SRD5A2: variants seen among roughly 807,000 people sequenced by gnomAD.
The protein encoded by SRD5A2 is 3-oxo-5-alpha-steroid 4-dehydrogenase 2.
SRD5A2 carries 30 observed loss-of-function variants against 27.4 expected under a neutral mutation model. The ratio of observed to expected loss-of-function variants is 1.10; its 90% confidence interval spans 0.82 to 1.49. The LOEUF (loss-of-function observed/expected upper bound fraction) is 1.49, where lower values mean the gene tolerates loss of function less well. Ranked by LOEUF, SRD5A2 falls within the 40% of genes most tolerant of loss-of-function variation. The pLI is 0.00. For synonymous variants in SRD5A2, 141 were observed against 133.6 expected (o/e 1.06, Z -0.38); for missense variants, 348 against 323.4 (o/e 1.08, Z -0.58).
intron 1 of SRD5A2, among the ~76,000 whole-genome samples, chr2:31,560,514 C>T (rs555434678): frequency 1.3e-5 from 2 of 152,240 alleles, no homozygotes; most frequent in East Asian, 1.9e-4. Flanking sequence ...CACCTGATTT[C>T]AGGCTCCTGG....
the SRD5A2 span, among the ~76,000 whole-genome samples, chr2:31,662,224 T>C: frequency 6.6e-6 from 1 of 152,198 alleles, no homozygotes; most frequent in South Asian, 2.1e-4. Context: ...CTATTGAACA[T>C]TATGAATGAC....
chr2:31,657,376 A>T, the SRD5A2 span, among the ~76,000 whole-genome samples: 1 of 152,290 alleles, frequency 6.6e-6, no homozygotes, highest in East Asian at 1.9e-4. Flanking sequence ...GAATTTAATG[A>T]TTTATAATAG....
the SRD5A2 span, among the ~76,000 whole-genome samples, chr2:31,601,903 T>C: frequency 1.3e-5 from 2 of 152,056 alleles, no homozygotes; most frequent in Admixed American, 6.6e-5. Context: ...TGAAGGAACA[T>C]ACCTCAAAAT....
intron 1 of SRD5A2, among the ~76,000 whole-genome samples, chr2:31,570,877 T>C (rs940159776): frequency 5.9e-5 from 9 of 151,824 alleles, no homozygotes; most frequent in Admixed American, 2.0e-4. Flanking sequence ...AAATCAGAGA[T>C]GACACAAACA....
the SRD5A2 span, among the ~76,000 whole-genome samples, chr2:31,649,831 T>C: frequency 1.3e-5 from 2 of 152,122 alleles, no homozygotes; most frequent in African/African-American, 4.8e-5. Flanking sequence ...CACCCTAGAG[T>C]TGCATATTTC....
At chr2:31,555,035 C>T (rs561377308) in intron 1 of SRD5A2, among the ~76,000 whole-genome samples, 1 of 150,990 alleles carries the variant, frequency 6.6e-6, no homozygotes, top group Non-Finnish European at 1.5e-5. Flanking sequence ...AGGTAATGTG[C>T]CCAAGGCCAC....
chr2:31,598,205 C>T, the SRD5A2 span, among the ~76,000 whole-genome samples: 1 of 151,968 alleles, frequency 6.6e-6, no homozygotes, highest in African/African-American at 2.4e-5. Flanking sequence ...GAATGAAAAA[C>T]CAAGCATTGT....
chr2:31,582,586 T>G (rs1437312073), upstream of SRD5A2, among the ~76,000 whole-genome samples: 1 of 152,190 alleles, frequency 6.6e-6, no homozygotes, highest in Non-Finnish European at 1.5e-5. Context: ...CAGTCCCAGC[T>G]TCCTCAGCTA....
rs1333189015 is a variant in SRD5A2 at position 31,580,901 on chromosome 2, C to T, written c.-1G>A. On this transcript the variant is annotated 5_prime_UTR_variant, in exon 1 of 5. Coordinates refer to ENST00000622030, the MANE Select transcript of SRD5A2 (RefSeq NM_000348.4). Reference sequence around the variant, plus strand: ...GGCTCTGCTGGCACTGAACCTGCATCGCGCCGTGTTCCTCGCCGGTGGCCG... The same window carrying T: ...GGCTCTGCTGGCACTGAACCTGCATTGCGCCGTGTTCCTCGCCGGTGGCCG... 6.3e-7 allele frequency: 1 copy of T among 1,594,308 alleles called. No individual in the cohort carries two copies. The highest frequency in any genetic ancestry group is 1.1e-5 in the South Asian group (1 of 90,748).
intron 1 of SRD5A2, among the ~76,000 whole-genome samples, chr2:31,564,464 A>G (rs1666688823): frequency 6.6e-6 from 1 of 152,028 alleles, no homozygotes; most frequent in Non-Finnish European, 1.5e-5. Context: ...TTCCTCAGCA[A>G]AAGAAAGGAG....
chr2:31,608,867 C>G, the SRD5A2 span, among the ~76,000 whole-genome samples: 2 of 152,038 alleles, frequency 1.3e-5, no homozygotes, highest in East Asian at 3.9e-4. Context: ...TTACGTTCTA[C>G]CAAAATTTAT....
At chr2:31,526,399 C>T in intron 4 of SRD5A2, 137 bp from the exon 5 acceptor site, 1 of 645,810 alleles carries the variant, frequency 1.5e-6, no homozygotes, top group Non-Finnish European at 2.8e-6. Flanking sequence ...ACTTATGATT[C>T]TTATTTCTCC....
upstream of SRD5A2, among the ~76,000 whole-genome samples, chr2:31,584,086 C>T (rs559665395): frequency 6.6e-6 from 1 of 152,080 alleles, no homozygotes; most frequent in African/African-American, 2.4e-5. Context: ...AATAGTGGCC[C>T]AGGGTGTAGA....
chr2:31,552,573 A>G (rs890341389), intron 1 of SRD5A2, among the ~76,000 whole-genome samples: 7 of 152,150 alleles, frequency 4.6e-5, no homozygotes, highest in Admixed American at 4.6e-4. Context: ...CATCTCACCA[A>G]GAAGAGAGAA....
In SRD5A2 at chr2:31,526,104, C is replaced by CATATATATATATATATATATATATATAT. The variant is rs1491224935; in HGVS notation, c.*91_*92insATATATATATATATATATATATATATAT. On this transcript the variant is annotated 3_prime_UTR_variant, in exon 5 of 5. Coordinates refer to ENST00000622030, the MANE Select transcript of SRD5A2 (RefSeq NM_000348.4). The stretch of plus-strand genomic sequence containing the variant: ...CAGGAGACCTACTATTACATATATA[C>CATATATATATATATATATATATATATAT]GGGACTATTATATCATGAAAATTAC... The CATATATATATATATATATATATATATAT allele has an allele frequency of 3.3e-5, 26 of 797,376 alleles. 2 individuals carry two copies. The African/African-American group carries it at 5.0e-4, about 15-fold the overall frequency. 49.4% of individuals were successfully genotyped at this position (797,376 alleles called of 1,614,324 possible). A position where few individuals can be genotyped will look rare whatever the true frequency, so the allele number is the denominator to read the frequency against.
intron 1 of SRD5A2, among the ~76,000 whole-genome samples, chr2:31,575,997 T>C (rs1321712827): frequency 6.6e-6 from 1 of 152,132 alleles, no homozygotes; most frequent in Non-Finnish European, 1.5e-5. Flanking sequence ...AGAGGTGAGA[T>C]GGATGGATTA....
At chr2:31,568,604 TC>T (rs1666786182) in intron 1 of SRD5A2, among the ~76,000 whole-genome samples, 1 of 152,114 alleles carries the variant, frequency 6.6e-6, no homozygotes, top group Non-Finnish European at 1.5e-5. Flanking sequence ...ACTGACTCCA[TC>T]CAGAATTGAC....
chr2:31,657,974 C>G, the SRD5A2 span, among the ~76,000 whole-genome samples: 1 of 151,972 alleles, frequency 6.6e-6, no homozygotes, highest in Non-Finnish European at 1.5e-5. Context: ...CAAAAAAATA[C>G]CGAACACAGG....
chr2:31,630,430 T>C, the SRD5A2 span, among the ~76,000 whole-genome samples: 2 of 152,160 alleles, frequency 1.3e-5, no homozygotes, highest in East Asian at 1.9e-4. Flanking sequence ...TTAAAACCTA[T>C]AATTCATCAT....
Sources: gnomAD v4.1 joint callset for allele counts (sites outside exome capture counted in the v4.1 genomes callset) on GRCh38, gnomAD v4.1.1 for gene constraint, MANE v1.5 for transcripts, NCBI Gene and HGNC (gene_info 2026-07-23, HGNC 2026-07-21) for gene names.